The following MYOF variants were observed in gnomAD, a reference collection of about 807,000 sequenced individuals.
MYOF encodes the protein myoferlin.
MYOF carries 244 observed loss-of-function variants against 284.2 expected under a neutral mutation model. The observed-to-expected ratio is 0.86, with a 90% CI of 0.77 to 0.95. The LOEUF is 0.95. MYOF is among the 40% of genes least tolerant of loss of function. The pLI is 0.00. For missense variants in MYOF, 2,496 were observed against 2,560.6 expected, an observed-to-expected ratio of 0.97 and a Z score of 0.54; for synonymous variants, 904 against 919.7, an observed-to-expected ratio of 0.98 and a Z score of 0.31.
intron 5 of MYOF, among the ~76,000 whole-genome samples, chr10:93,410,794 C>A (rs1023754409): frequency 2.0e-5 from 3 of 152,192 alleles, no homozygotes; most frequent in African/African-American, 7.2e-5. Context: ...CTCTACGATG[C>A]AAGATTATGA....
At chr10:93,478,844 G>A (rs74231314) in intron 1 of MYOF, among the ~76,000 whole-genome samples, 17,686 of 126,322 alleles carry the variant, frequency 0.14, 1,719 homozygotes, top group East Asian at 0.47. Flanking sequence ...AAAAAAAAAA[G>A]AAAGAAAGAA....
intron 1 of MYOF, among the ~76,000 whole-genome samples, chr10:93,461,610 G>A (rs1589606372): frequency 6.6e-6 from 1 of 152,162 alleles, no homozygotes; most frequent in South Asian, 2.1e-4. Flanking sequence ...AGACACAATA[G>A]GGTGGGTGGA....
chr10:93,352,828 C>T (rs1013242120), intron 32 of MYOF, among the ~76,000 whole-genome samples: 1 of 152,060 alleles, frequency 6.6e-6, no homozygotes, highest in Non-Finnish European at 1.5e-5. Context: ...TGATAGAGTG[C>T]CCCCTGGTGG....
intron 29 of MYOF, among the ~76,000 whole-genome samples, chr10:93,357,332 A>G (rs1844853381): frequency 6.6e-6 from 1 of 152,244 alleles, no homozygotes; most frequent in African/African-American, 2.4e-5. Context: ...TGATCAGAAT[A>G]TGTTATTTCT....
chr10:93,377,366 C>T lies in MYOF; in HGVS notation c.2065G>A (p.Glu689Lys), dbSNP rs549188270. 2.5e-6 allele frequency: 4 copies of T among 1,614,140 alleles called. No individual in the cohort carries two copies. The highest frequency in any genetic ancestry group is 1.1e-5 in the South Asian group (1 of 91,076). ...QGKIPANQLA[E>K]LWLKLIDEVI... ...TCATCTATCAGCTTCAGCCACAATT[C>T]AGCCAGCTGGTTTGCAGGAATTTTA... Residue 689 changes from glutamate (E) to lysine (K), a missense_variant, in exon 22 of 54, where the codon GAA (glutamate) becomes AAA (lysine). By Grantham distance (56) the Glu-to-Lys change is moderately conservative (BLOSUM62 1). Transcript: ENST00000359263.
intron 27 of MYOF, among the ~76,000 whole-genome samples, chr10:93,362,792 T>C (rs1485893592): frequency 6.6e-6 from 1 of 152,148 alleles, no homozygotes. Flanking sequence ...GCAAAGATTA[T>C]AAAGCGGGAT....
Position 93,355,728 on chromosome 10 carries a change from G to A in MYOF, c.3303C>T (p.Asp1101=). The A allele has an allele frequency of 6.2e-7, 1 of 1,612,268 alleles. No homozygotes were observed. The highest frequency in any genetic ancestry group is 8.5e-7 in the Non-Finnish European group (1 of 1,178,784). The change falls in exon 31 of 54, where the codon GAC becomes GAT. Residue 1101 remains aspartate, a synonymous_variant. Transcript: ENST00000359263. ...TCTTCTCATCCCCATCTTCGGTAGTGTCTGCCCCCTGAAGTCAATTAACAG... is the reference window on the plus strand; with the variant it reads ...TCTTCTCATCCCCATCTTCGGTAGTATCTGCCCCCTGAAGTCAATTAACAG... ...IFKLEGALGA[D]TTEDGDEKSL... is the part of the protein sequence containing the mutation.
rs751845275 is a variant in MYOF, at chr10:93,374,853, AGCC to A, written c.2208_2210del (p.Ala737del). 3 of 1,614,158 alleles carry A rather than the reference AGCC, an allele frequency of 1.9e-6. No homozygotes were observed. The highest frequency in any genetic ancestry group is 1.7e-6 in the Non-Finnish European group (2 of 1,180,028). ...CTGTGGCTTCCGACCTCATCCTCAC[AGCC>A]GCCTCATGTATTTGGGAGAGAGACC... On this transcript the variant is annotated inframe_deletion, in exon 23 of 54. Coordinates refer to ENST00000359263, the MANE Select transcript of MYOF (RefSeq NM_013451.4).
chr10:93,318,828 C>T (rs989604065), intron 49 of MYOF, among the ~76,000 whole-genome samples: 8 of 152,076 alleles, frequency 5.3e-5, no homozygotes, highest in East Asian at 3.9e-4. Flanking sequence ...AGGCCTAATG[C>T]GACACAGGGC....
intron 51 of MYOF, among the ~76,000 whole-genome samples, chr10:93,311,590 A>C (rs1324464649): frequency 6.0e-3 from 21 of 3,484 alleles, no homozygotes; most frequent in African/African-American, 0.017. Context: ...CTTCATCTCT[A>C]AAAAAAAAAA....
At chr10:93,412,552 C>G (rs929394365) in intron 5 of MYOF, among the ~76,000 whole-genome samples, 2 of 152,148 alleles carry the variant, frequency 1.3e-5, no homozygotes, top group South Asian at 2.1e-4. Context: ...TAGTCCCGCT[C>G]TCTCCTACCC....
At chr10:93,359,438 G>A (rs189028121) in intron 29 of MYOF, among the ~76,000 whole-genome samples, 1 of 152,242 alleles carries the variant, frequency 6.6e-6, no homozygotes, top group Admixed American at 6.5e-5. Flanking sequence ...AGAAAGAAAG[G>A]GAAGTCAGGG....
At chr10:93,391,943 G>A (rs1226112987) in intron 17 of MYOF, among the ~76,000 whole-genome samples, 1 of 152,140 alleles carries the variant, frequency 6.6e-6, no homozygotes, top group East Asian at 1.9e-4. Context: ...ACTTTTCAGG[G>A]GGAGTGGCAG....
intron 28 of MYOF, among the ~76,000 whole-genome samples, 164 bp from the exon 29 acceptor site, chr10:93,360,142 G>A (rs2133923401): frequency 6.6e-6 from 1 of 152,328 alleles, no homozygotes; most frequent in South Asian, 2.1e-4. Flanking sequence ...CAGCCAAACT[G>A]AATACAGCCT....
At chr10:93,469,218 G>A (rs954094918) in intron 1 of MYOF, among the ~76,000 whole-genome samples, 3 of 152,020 alleles carry the variant, frequency 2.0e-5, no homozygotes, top group African/African-American at 7.2e-5. Flanking sequence ...TGGCCAACTT[G>A]GTGAAACCCT....
chr10:93,335,961 G>A lies in MYOF; in HGVS notation c.4523C>T (p.Ser1508Leu), dbSNP rs1383190028. The change falls in exon 41 of 54, where the codon TCG becomes TTG. Residue 1508 changes from serine (S) to leucine (L), a missense_variant. By Grantham distance (145) the Ser-to-Leu change is moderately radical. This residue lies in a region of MYOF where 2,436 missense variants were observed against 2,480.7 expected (regional missense o/e 0.98). Transcript: ENST00000359263. ...CACAGAAGGATCTTCATTTTCATCCGACTTGCCTCGGTACAACTTGAACGT... is the reference window on the plus strand; with the variant it reads ...CACAGAAGGATCTTCATTTTCATCCAACTTGCCTCGGTACAACTTGAACGT... ...SDTFKLYRGK[S>L]DENEDPSVVG... 1.1e-5 allele frequency: 18 copies of A among 1,614,116 alleles called. No individual in the cohort carries two copies. The highest frequency in any genetic ancestry group is 4.5e-5 in the East Asian group (2 of 44,880).
At chr10:93,444,193 G>A (rs2056362311) in intron 3 of MYOF, among the ~76,000 whole-genome samples, 1 of 152,180 alleles carries the variant, frequency 6.6e-6, no homozygotes, top group African/African-American at 2.4e-5. Flanking sequence ...GCTGCAAGGT[G>A]CTTCTTAAAT....
intron 35 of MYOF, 97 bp downstream of exon 35, chr10:93,351,100 G>A: frequency 7.4e-7 from 1 of 1,342,990 alleles, no homozygotes. Flanking sequence ...GAGATAGCAA[G>A]AAAATATGCA....
At position 93,351,310 on chromosome 10, in the gene MYOF, T is replaced by G; in HGVS notation, c.3823-15A>C. ...TTGGAGCCATCCTGTGAAACAAACA[T>G]GGATATGTCAATGCCTCACTTTAGT... On this transcript the variant is annotated splice_polypyrimidine_tract_variant and intron_variant, in intron 34 of 53. Coordinates refer to ENST00000359263, the MANE Select transcript of MYOF (RefSeq NM_013451.4). 6.2e-7 allele frequency: 1 copy of G among 1,610,904 alleles called. No individual in the cohort carries two copies.
Sources: allele counts gnomAD v4.1 joint callset (sites outside exome capture counted in the v4.1 genomes callset), GRCh38; gene constraint gnomAD v4.1.1; regional missense constraint gnomAD v4.1.1; transcripts MANE v1.5; gene names NCBI Gene and HGNC (gene_info 2026-07-23, HGNC 2026-07-21).